Variants in CACNB4 observed in about 807,000 individuals in gnomAD.
The protein encoded by CACNB4 is voltage-dependent L-type calcium channel subunit beta-4.
In CACNB4, 32 loss-of-function variants were observed where a neutral mutation model predicts 71.2. The observed-to-expected ratio is 0.45, with a 90% confidence interval of 0.34 to 0.60. The LOEUF (loss-of-function observed/expected upper bound fraction) is 0.60, where lower values mean the gene tolerates loss of function less well. Among genes scored for constraint, CACNB4 ranks in the 20% least tolerant of loss-of-function variants. The pLI is 0.01. For missense variants in CACNB4, 464 were observed against 647.9 expected (o/e 0.72, Z 3.08); for synonymous variants, 231 against 236.9 (o/e 0.97, Z 0.23).
rs1306575304 is a variant in CACNB4, at chr2:151,834,495, A to G, written c.*4624T>C. The G allele has an allele frequency of 6.6e-6, 1 of 152,010 alleles. No individual in the cohort carries two copies. The highest frequency in any genetic ancestry group is 2.4e-5 in the African/African-American group (1 of 41,454). 9.4% of individuals were successfully genotyped at this position (152,010 alleles called of 1,614,324 possible). ...CATGAAGCATTTAGAATTAATCATT[A>G]CAAGTAAAAAGAGATAGCTGCTATC... is the stretch of plus-strand genomic sequence containing the variant. On this transcript the variant is annotated 3_prime_UTR_variant, in exon 14 of 14. Transcript: ENST00000539935.
At chr2:151,974,492 TG>T in intron 2 of CACNB4, among the ~76,000 whole-genome samples, 1 of 152,334 alleles carries the variant, frequency 6.6e-6, no homozygotes, top group Non-Finnish European at 1.5e-5. Context: ...AAAAGAGCTC[TG>T]TGTCCCAACT....
chr2:152,079,465 A>C (rs576615332), intron 2 of CACNB4, among the ~76,000 whole-genome samples: 2 of 152,184 alleles, frequency 1.3e-5, no homozygotes, highest in South Asian at 4.1e-4. Context: ...TGACTGATAA[A>C]TCCTGGCTGA....
intron 2 of CACNB4, among the ~76,000 whole-genome samples, chr2:151,887,810 A>G (rs1443693280): frequency 2.6e-5 from 4 of 152,188 alleles, no homozygotes; most frequent in Non-Finnish European, 5.9e-5. Flanking sequence ...CAGATGAAAC[A>G]TCATTTCTTT....
At chr2:151,915,145 C>T (rs2099857131) in intron 2 of CACNB4, among the ~76,000 whole-genome samples, 1 of 152,170 alleles carries the variant, frequency 6.6e-6, no homozygotes, top group African/African-American at 2.4e-5. Context: ...GGCCCAGGGA[C>T]ATCCAGATTC....
chr2:151,841,087 C>T (rs558411629), intron 13 of CACNB4, among the ~76,000 whole-genome samples: 1 of 152,270 alleles, frequency 6.6e-6, no homozygotes, highest in South Asian at 2.1e-4. Context: ...CTGCACAGCC[C>T]CAAGAAAACT....
intron 2 of CACNB4, among the ~76,000 whole-genome samples, chr2:152,078,174 T>C (rs1038814412): frequency 9.2e-5 from 14 of 152,280 alleles, no homozygotes; most frequent in Admixed American, 7.8e-4. Context: ...GGAACAATAT[T>C]CTGGGAGGAT....
At chr2:151,974,457 G>A (rs2099873409) in intron 2 of CACNB4, among the ~76,000 whole-genome samples, 1 of 152,180 alleles carries the variant, frequency 6.6e-6, no homozygotes, top group African/African-American at 2.4e-5. Context: ...TATTCTCGTT[G>A]AAGTCTCTCT....
chr2:151,977,716 A>G (rs985309221), intron 2 of CACNB4, among the ~76,000 whole-genome samples: 1 of 152,190 alleles, frequency 6.6e-6, no homozygotes, highest in Non-Finnish European at 1.5e-5. Flanking sequence ...CTAATTTTCC[A>G]CCTAAATTTC....
At chr2:152,025,253 T>C (rs968684393) in intron 2 of CACNB4, among the ~76,000 whole-genome samples, 3 of 152,332 alleles carry the variant, frequency 2.0e-5, no homozygotes, top group Admixed American at 1.3e-4. Flanking sequence ...TTAAGTTTGA[T>C]AGCTTTCCTG....
intron 9 of CACNB4, among the ~76,000 whole-genome samples, chr2:151,864,678 C>T (rs1303128875): frequency 6.6e-6 from 1 of 152,148 alleles, no homozygotes; most frequent in South Asian, 2.1e-4. Flanking sequence ...ATGAGTCATT[C>T]CATCTTTTGA....
chr2:152,056,147 A>G (rs1330570728), intron 2 of CACNB4, among the ~76,000 whole-genome samples: 2 of 152,050 alleles, frequency 1.3e-5, no homozygotes, highest in Non-Finnish European at 2.9e-5. Flanking sequence ...TGGATCACGA[A>G]GTCAGGAGAT....
In CACNB4 at chr2:151,839,247, G is replaced by C; in HGVS notation, c.1435C>G (p.Gln479Glu). 1 of 1,613,754 alleles carries C rather than the reference G, an allele frequency of 6.2e-7. No individual in the cohort carries two copies. Among genetic ancestry groups the C allele is most frequent in the African/African-American group, 1.3e-5 (1 of 74,994 alleles). ...AGAGGGTAATGATCTCGGCTATGCTGAGAACTGGAAGACAAGCGGTTCCTA... is the reference window on the plus strand; with the variant it reads ...AGAGGGTAATGATCTCGGCTATGCTCAGAACTGGAAGACAAGCGGTTCCTA... The part of the protein sequence containing the change: ...KSRNRLSSSS[Q>E]HSRDHYPLVE... The change falls in exon 14 of 14, where the codon CAG becomes GAG. Residue 479 changes from glutamine to glutamate, a missense_variant. Around this residue, in one of 3 missense-constraint regions of CACNB4, gnomAD observed 115 missense variants for 128.8 expected, o/e 0.89. Coordinates refer to ENST00000539935, the MANE Select transcript of CACNB4 (RefSeq NM_000726.5).
intron 2 of CACNB4, among the ~76,000 whole-genome samples, chr2:152,054,394 A>C (rs1399711669): frequency 6.8e-6 from 1 of 147,416 alleles, no homozygotes; most frequent in Non-Finnish European, 1.5e-5. Context: ...AAAAAATAGT[A>C]TTGTGTTGAG....
rs189247638 is a variant in CACNB4 at position 152,034,086 on chromosome 2, C to A, written c.147+64244G>T. Among the ~76,000 whole-genome samples, 485 of 152,300 alleles carry A rather than the reference C, an allele frequency of 3.2e-3. 1 individual carries two copies. Among genetic ancestry groups the A allele is most frequent in the Middle Eastern group, 6.8e-3 (2 of 292 alleles). On this transcript the variant is annotated intron_variant, in intron 2 of 13. Transcript: ENST00000539935. ...GAAATGAGCATTTCTCCCTCACTAA[C>A]AGGCAGCACTTCCAAATAAAACCTG...
chr2:152,004,897 A>G (rs535375209), intron 2 of CACNB4, among the ~76,000 whole-genome samples: 1 of 152,268 alleles, frequency 6.6e-6, no homozygotes, highest in African/African-American at 2.4e-5. Context: ...TCTCTTTCTT[A>G]AGGAGCACTG....
chr2:152,098,766 G>A lies in CACNB4; in HGVS notation c.63+183C>T, dbSNP rs1383301028. The stretch of plus-strand genomic sequence containing the variant: ...AGGGTGAGGAGGAGGAGGAAGAGAA[G>A]GAGGAGAAAGAGGAGGAGCGGGAGG... On this transcript the variant is annotated intron_variant, in intron 1 of 13. Coordinates refer to ENST00000539935, the MANE Select transcript of CACNB4 (RefSeq NM_000726.5). This position sits in a 1 kb window ranked among gnomAD's most constrained non-coding sequence, Gnocchi z 5.3. The A allele has an allele frequency of 9.4e-6, 13 of 1,390,278 alleles. No homozygotes were observed. In the Middle Eastern group the frequency reaches 1.2e-3, roughly 131 times the overall value. The allele number at this position is 1,390,278 out of a possible 1,614,324, so 86.1% of individuals were successfully genotyped here.
chr2:151,983,977 CA>C (rs972495050), intron 2 of CACNB4, among the ~76,000 whole-genome samples: 1 of 152,044 alleles, frequency 6.6e-6, no homozygotes, highest in African/African-American at 2.4e-5. Flanking sequence ...TCATAATTTT[CA>C]AAAACATTAG....
intron 2 of CACNB4, among the ~76,000 whole-genome samples, chr2:152,047,020 A>G (rs565623915): frequency 5.9e-5 from 9 of 152,210 alleles, no homozygotes; most frequent in Non-Finnish European, 1.3e-4. Context: ...GCCTGAAAAT[A>G]AAGAAAAATT....
At chr2:151,842,221 C>A in intron 12 of CACNB4, 133 bp from the exon 13 acceptor site, 2 of 645,426 alleles carry the variant, frequency 3.1e-6, no homozygotes, top group South Asian at 3.6e-5. Flanking sequence ...GCTATATGGG[C>A]AGTTTCTAAA....
Sources: gnomAD v4.1 joint callset for allele counts (sites outside exome capture counted in the v4.1 genomes callset) on GRCh38, gnomAD v4.1.1 for gene constraint, gnomAD v4.1.1 regional missense constraint, Gnocchi (gnomAD v3.1) non-coding constraint, MANE v1.5 for transcripts, NCBI Gene and HGNC (gene_info 2026-07-23, HGNC 2026-07-21) for gene names.